The following KALRN variants were observed in gnomAD, a reference collection of about 807,000 sequenced individuals.
KALRN encodes the protein kalirin.
Under a neutral mutation model 353.7 loss-of-function variants are expected in KALRN, and 70 were observed. The observed-to-expected ratio is 0.20, with a 90% CI of 0.16 to 0.24. The LOEUF is 0.24. KALRN is among the 10% of genes least tolerant of loss of function. The pLI, the probability that KALRN is intolerant of heterozygous loss-of-function variation, is 1.00. For synonymous variants in KALRN, 1,391 were observed against 1,434.8 expected (o/e 0.97, Z 0.69); for missense variants, 2,791 against 3,756.7 (o/e 0.74, Z 6.72).
intron 33 of KALRN, among the ~76,000 whole-genome samples, chr3:124,527,266 A>G (rs899184933): frequency 2.0e-5 from 3 of 152,166 alleles, no homozygotes; most frequent in African/African-American, 7.2e-5. Context: ...GGGTTTTGCA[A>G]GAAACATACA....
chr3:124,704,059 G>T (rs542750785), intron 57 of KALRN, among the ~76,000 whole-genome samples: 82 of 152,268 alleles, frequency 5.4e-4, no homozygotes, highest in African/African-American at 1.9e-3. Context: ...TGTGGAGCCA[G>T]GATTCAAATT....
At chr3:124,598,896 G>A in intron 34 of KALRN, among the ~76,000 whole-genome samples, 1 of 152,066 alleles carries the variant, frequency 6.6e-6, no homozygotes, top group East Asian at 1.9e-4. Context: ...GGCTGGTCTG[G>A]AACAGCTGGG....
At chr3:124,034,147 C>T (rs1350212583) in intron 1 of KALRN, among the ~76,000 whole-genome samples, 1 of 152,110 alleles carries the variant, frequency 6.6e-6, no homozygotes. Context: ...CGCGCCGCTC[C>T]GGCTACCGGC....
chr3:124,117,152 C>T (rs1248952688), intron 1 of KALRN, among the ~76,000 whole-genome samples: 1 of 152,126 alleles, frequency 6.6e-6, no homozygotes, highest in Admixed American at 6.5e-5. Context: ...GATCAAGTGG[C>T]AGATGGAAGG....
At chr3:124,401,871 C>T (rs918165126) in intron 13 of KALRN, among the ~76,000 whole-genome samples, 8 of 152,128 alleles carry the variant, frequency 5.3e-5, no homozygotes, top group African/African-American at 1.7e-4. Flanking sequence ...ATTCAAATAC[C>T]AGCTATGTCT....
At chr3:124,053,110 C>T (rs1185244869) in intron 1 of KALRN, among the ~76,000 whole-genome samples, 1 of 152,118 alleles carries the variant, frequency 6.6e-6, no homozygotes, top group Non-Finnish European at 1.5e-5. Flanking sequence ...AATAGTTGCT[C>T]ACTATAGCCT....
intron 33 of KALRN, among the ~76,000 whole-genome samples, chr3:124,551,596 G>A (rs951856236): frequency 1.3e-5 from 2 of 152,176 alleles, no homozygotes; most frequent in Non-Finnish European, 2.9e-5. Context: ...AGCCAAGGGA[G>A]GGCTCACAAA....
chr3:124,151,866 GAA>G, intron 1 of KALRN: 1 of 500,258 alleles, frequency 2.0e-6, no homozygotes, highest in East Asian at 3.4e-5. Context: ...TGTACGGTGA[GAA>G]AGAGAGGTTA....
intron 1 of KALRN, among the ~76,000 whole-genome samples, chr3:124,125,594 C>T (rs2064559582): frequency 6.6e-6 from 1 of 152,194 alleles, no homozygotes; most frequent in Admixed American, 6.5e-5. Context: ...CAGGCCCACT[C>T]TTCCTTATTC....
At chr3:124,344,251 T>C (rs954984138) in intron 9 of KALRN, among the ~76,000 whole-genome samples, 1 of 152,230 alleles carries the variant, frequency 6.6e-6, no homozygotes, top group Non-Finnish European at 1.5e-5. Flanking sequence ...CTTGTTCATC[T>C]TAATGGAATG....
intron 31 of KALRN, 62 bp downstream of exon 31, chr3:124,491,486 A>C (rs2063153658): frequency 8.0e-7 from 1 of 1,252,076 alleles, no homozygotes; most frequent in Non-Finnish European, 1.1e-6. Context: ...GGGGGTGGGC[A>C]AGTGACACCT....
chr3:124,713,106 C>T lies in KALRN; in HGVS notation c.8247C>T (p.Ser2749=). 2.5e-6 allele frequency: 4 copies of T among 1,613,860 alleles called. No homozygotes were observed. The highest frequency in any genetic ancestry group is 3.4e-6 in the Non-Finnish European group (4 of 1,179,860). ...TCACTCTCCATGACACCTATGAGTC[C>T]CCCACATCCTACATCCTGATCTTGG... ...QYITLHDTYE[S]PTSYILILEL... is the part of the protein sequence containing the mutation. The change falls in exon 58 of 60, where the codon TCC becomes TCT. Residue 2749 remains serine, a synonymous_variant. Transcript: ENST00000682506.
At chr3:124,139,833 T>C (rs551274204) in intron 1 of KALRN, among the ~76,000 whole-genome samples, 1 of 152,088 alleles carries the variant, frequency 6.6e-6, no homozygotes, top group African/African-American at 2.4e-5. Context: ...AGGGGGGATT[T>C]TGTATCATCT....
chr3:124,488,716 T>C (rs555394188), intron 29 of KALRN: 3 of 160,344 alleles, frequency 1.9e-5, no homozygotes, highest in South Asian at 1.9e-4. Context: ...CAGACACACA[T>C]ACACACAAAA....
chr3:124,055,471 G>T (rs1465797371), intron 1 of KALRN, among the ~76,000 whole-genome samples: 1 of 152,128 alleles, frequency 6.6e-6, no homozygotes, highest in African/African-American at 2.4e-5. Context: ...TATCTAGTTT[G>T]TTTTGAAGTA....
chr3:124,312,383 A>G (rs927122976), intron 6 of KALRN, among the ~76,000 whole-genome samples: 2 of 151,544 alleles, frequency 1.3e-5, no homozygotes, highest in African/African-American at 4.9e-5. Context: ...CTGGTCTTGA[A>G]CTCCTGACCT....
intron 1 of KALRN, among the ~76,000 whole-genome samples, chr3:124,037,267 G>T (rs796985932): frequency 1.3e-5 from 2 of 152,232 alleles, no homozygotes; most frequent in African/African-American, 4.8e-5. Flanking sequence ...GCTAAGCGTT[G>T]TGGTGCTATA....
At chr3:124,156,189 G>A (rs1358076857) in intron 1 of KALRN, among the ~76,000 whole-genome samples, 1 of 152,162 alleles carries the variant, frequency 6.6e-6, no homozygotes, top group Non-Finnish European at 1.5e-5. Flanking sequence ...TAAGTTCAGG[G>A]AGTTTCCCTC....
chr3:124,422,796 A>T lies in KALRN; in HGVS notation c.2543-16A>T. 1 of 1,610,884 alleles carries T rather than the reference A, an allele frequency of 6.2e-7. No individual in the cohort carries two copies. Among genetic ancestry groups the T allele is most frequent in the Non-Finnish European group, 8.5e-7 (1 of 1,177,688 alleles). ...TACTAGCTGGTTTTTAATTGTTTCC[A>T]TTTTTTTAAAATCAGGAATTGAGTT... On this transcript the variant is annotated splice_polypyrimidine_tract_variant and intron_variant, in intron 14 of 59. Transcript: ENST00000682506.
Sources: gnomAD v4.1 joint callset for allele counts (sites outside exome capture counted in the v4.1 genomes callset) on GRCh38, gnomAD v4.1.1 for gene constraint, MANE v1.5 for transcripts, NCBI Gene and HGNC (gene_info 2026-07-23, HGNC 2026-07-21) for gene names.